The following PPARGC1A variants were observed in gnomAD, a reference collection of about 807,000 sequenced individuals.
The protein encoded by PPARGC1A is PPARG coactivator 1 alpha, also known as peroxisome proliferator-activated receptor gamma coactivator 1-alpha.
Under a neutral mutation model 88.7 loss-of-function variants are expected in PPARGC1A, and 25 were observed. The observed-to-expected ratio is 0.28, with a 90% confidence interval of 0.21 to 0.39. PPARGC1A has a LOEUF of 0.39. PPARGC1A is among the 10% of genes least tolerant of loss of function. The probability of loss-of-function intolerance (pLI) is 1.00; values close to 1 mark genes in which losing one functional copy is unlikely to be tolerated. For synonymous variants in PPARGC1A, 363 were observed against 355.6 expected, an observed-to-expected ratio of 1.02 and a Z score of -0.24; for missense variants, 880 against 968.7, an observed-to-expected ratio of 0.91 and a Z score of 1.22.
At chr4:23,826,329 C>T (rs1298649600) in intron 5 of PPARGC1A, among the ~76,000 whole-genome samples, 1 of 152,132 alleles carries the variant, frequency 6.6e-6, no homozygotes, top group Non-Finnish European at 1.5e-5. Context: ...GTTCCAGTGA[C>T]TGGTAGACCA....
At chr4:24,079,099 A>G in the PPARGC1A span, among the ~76,000 whole-genome samples, 1 of 152,100 alleles carries the variant, frequency 6.6e-6, no homozygotes, top group South Asian at 2.1e-4. Flanking sequence ...CAAAATAGCC[A>G]TCCTTTCACA....
At chr4:23,950,356 A>G in the PPARGC1A span, among the ~76,000 whole-genome samples, 29 of 152,208 alleles carry the variant, frequency 1.9e-4, no homozygotes, top group Admixed American at 5.2e-4. Context: ...CTCCTGGTAA[A>G]TTGACAAAAA....
chr4:24,075,881 T>C, the PPARGC1A span, among the ~76,000 whole-genome samples: 64 of 152,148 alleles, frequency 4.2e-4, 1 homozygote, highest in Admixed American at 7.2e-4. Context: ...GACTAACACA[T>C]ACCACCACCA....
chr4:24,357,308 G>A, the PPARGC1A span, among the ~76,000 whole-genome samples: 12 of 152,308 alleles, frequency 7.9e-5, no homozygotes, highest in African/African-American at 2.9e-4. Flanking sequence ...AAGGCCAGAT[G>A]ACCAACAAAT....
the PPARGC1A span, among the ~76,000 whole-genome samples, chr4:23,936,764 G>C: frequency 1.3e-5 from 2 of 152,044 alleles, no homozygotes; most frequent in Non-Finnish European, 2.9e-5. Context: ...CCAGCTACTC[G>C]GGAGGCTGAG....
the PPARGC1A span, among the ~76,000 whole-genome samples, chr4:23,945,381 A>G: frequency 6.6e-6 from 1 of 152,210 alleles, no homozygotes; most frequent in African/African-American, 2.4e-5. Context: ...TACGTAGTAT[A>G]CTGTTCTGTT....
At chr4:24,323,708 G>T in the PPARGC1A span, among the ~76,000 whole-genome samples, 1 of 152,312 alleles carries the variant, frequency 6.6e-6, no homozygotes, top group African/African-American at 2.4e-5. Context: ...TCACACGGAC[G>T]TGCATGAAGT....
At chr4:23,858,515 C>G (rs1730615218) in intron 2 of PPARGC1A, among the ~76,000 whole-genome samples, 3 of 152,194 alleles carry the variant, frequency 2.0e-5, no homozygotes. Flanking sequence ...CTACCATTGC[C>G]TTTAGGTTCT....
At chr4:24,289,789 T>G in the PPARGC1A span, among the ~76,000 whole-genome samples, 1 of 152,140 alleles carries the variant, frequency 6.6e-6, no homozygotes. Flanking sequence ...CACTTCCAGC[T>G]TTTTTTAAAT....
At chr4:23,831,350 A>C (rs932140209) in intron 3 of PPARGC1A, 8 of 412,082 alleles carry the variant, frequency 1.9e-5, no homozygotes, top group Non-Finnish European at 3.0e-5. Flanking sequence ...ATAGTAAAAA[A>C]AACTGCAATA....
the PPARGC1A span, among the ~76,000 whole-genome samples, chr4:23,955,914 C>T: frequency 1.3e-5 from 2 of 151,952 alleles, no homozygotes; most frequent in Non-Finnish European, 2.9e-5. Flanking sequence ...GGAAACTTTC[C>T]GTAAAGAGCC....
At chr4:24,434,554 G>C in the PPARGC1A span, among the ~76,000 whole-genome samples, 1 of 152,282 alleles carries the variant, frequency 6.6e-6, no homozygotes, top group East Asian at 1.9e-4. Flanking sequence ...ACAAATGCTC[G>C]GTGCACAGGG....
chr4:23,830,091 A>G (rs1231923237), intron 3 of PPARGC1A, among the ~76,000 whole-genome samples: 1 of 152,212 alleles, frequency 6.6e-6, no homozygotes, highest in East Asian at 1.9e-4. Flanking sequence ...GGGAGAATAG[A>G]TACACATTTT....
chr4:24,199,453 C>A, the PPARGC1A span, among the ~76,000 whole-genome samples: 112 of 152,214 alleles, frequency 7.4e-4, no homozygotes, highest in African/African-American at 2.5e-3. Context: ...GAGGGAACCA[C>A]AAATGACCCT....
the PPARGC1A span, among the ~76,000 whole-genome samples, chr4:24,106,317 A>C: frequency 6.6e-6 from 1 of 152,212 alleles, no homozygotes; most frequent in Non-Finnish European, 1.5e-5. Flanking sequence ...CAAAGGCAAC[A>C]ATCAACTGAT....
chr4:24,109,076 T>C, the PPARGC1A span, among the ~76,000 whole-genome samples: 1 of 143,414 alleles, frequency 7.0e-6, no homozygotes, highest in Admixed American at 7.0e-5. Flanking sequence ...ATAAATGCCA[T>C]TGCTAGAAAG....
the PPARGC1A span, among the ~76,000 whole-genome samples, chr4:24,445,096 A>G: frequency 6.6e-6 from 1 of 152,014 alleles, no homozygotes; most frequent in African/African-American, 2.4e-5. Context: ...CAGCTACTTG[A>G]GCATCCCTAC....
the PPARGC1A span, among the ~76,000 whole-genome samples, chr4:24,245,776 C>A: frequency 6.6e-6 from 1 of 152,142 alleles, no homozygotes; most frequent in South Asian, 2.1e-4. Context: ...AAAAATATCT[C>A]CTCTTTGCCT....
At chr4:24,171,513 C>T in the PPARGC1A span, among the ~76,000 whole-genome samples, 2 of 152,008 alleles carry the variant, frequency 1.3e-5, no homozygotes, top group African/African-American at 4.8e-5. Flanking sequence ...TATATATGGT[C>T]CTGATTTTTT....
Sources: allele counts gnomAD v4.1 joint callset (sites outside exome capture counted in the v4.1 genomes callset), GRCh38; gene constraint gnomAD v4.1.1; transcripts MANE v1.5; gene names NCBI Gene and HGNC (gene_info 2026-07-23, HGNC 2026-07-21).